The following BTAF1 variants were observed in gnomAD, a reference collection of about 807,000 sequenced individuals.
The protein encoded by BTAF1 is B-TFIID TATA-box binding protein associated factor 1.
BTAF1 carries 38 observed loss-of-function variants against 227.1 expected under a neutral mutation model. The ratio of observed to expected loss-of-function variants is 0.17; its 90% confidence interval spans 0.13 to 0.22. The LOEUF (loss-of-function observed/expected upper bound fraction) is 0.22. Among genes scored for constraint, BTAF1 ranks in the 10% least tolerant of loss-of-function variants. The pLI is 1.00. For missense variants in BTAF1, 1,598 were observed against 2,204.0 expected, an observed-to-expected ratio of 0.73 and a Z score of 5.51; for synonymous variants, 742 against 751.9, an observed-to-expected ratio of 0.99 and a Z score of 0.21.
chr10:91,930,724 A>G (rs573600269), intron 1 of BTAF1, among the ~76,000 whole-genome samples: 1 of 152,326 alleles, frequency 6.6e-6, no homozygotes, highest in African/African-American at 2.4e-5. Flanking sequence ...ACACTATACT[A>G]AGTAATGGTC....
At chr10:91,976,943 A>G (rs1242462126) in intron 14 of BTAF1, among the ~76,000 whole-genome samples, 4 of 152,208 alleles carry the variant, frequency 2.6e-5, no homozygotes, top group Non-Finnish European at 4.4e-5. Flanking sequence ...GGTAGAAGAC[A>G]CTATTGGATC....
intron 23 of BTAF1, among the ~76,000 whole-genome samples, chr10:91,996,067 T>C (rs1350909296): frequency 1.3e-5 from 2 of 152,218 alleles, no homozygotes; most frequent in African/African-American, 4.8e-5. Flanking sequence ...CAAGTACTTT[T>C]TGGTTTGTTT....
Position 91,989,516 on chromosome 10 carries a change from C to T in BTAF1, c.2790C>T (p.Asp930=), listed in dbSNP as rs973562538. 6 of 1,613,518 alleles carry T rather than the reference C, an allele frequency of 3.7e-6. No individual in the cohort carries two copies. In the African/African-American group the frequency reaches 6.7e-5, roughly 18 times the overall value. ...ACCTCTGTAGCTCACTTTGTGTGGA[C>T]CCATATCTAACTCCTTGTGTCACAT... ...IKNLCSSLCV[D]PYLTPCVTCP... Residue 930 remains aspartate (D), a synonymous_variant, in exon 20 of 38, where the codon GAC becomes GAT. Coordinates refer to ENST00000265990, the MANE Select transcript of BTAF1 (RefSeq NM_003972.3).
intron 14 of BTAF1, among the ~76,000 whole-genome samples, chr10:91,978,973 T>C (rs1173812457): frequency 6.6e-6 from 1 of 152,066 alleles, no homozygotes; most frequent in African/African-American, 2.4e-5. Flanking sequence ...TTCTGATCCT[T>C]TCCCTCCTTC....
chr10:91,925,797 A>C (rs1456638398), intron 1 of BTAF1, among the ~76,000 whole-genome samples: 1 of 152,234 alleles, frequency 6.6e-6, no homozygotes, highest in Non-Finnish European at 1.5e-5. Flanking sequence ...GGCGTGAGCC[A>C]CCGCGCCCAG....
intron 26 of BTAF1, 31 bp downstream of exon 26, chr10:92,008,306 T>C: frequency 1.3e-6 from 2 of 1,521,968 alleles, no homozygotes; most frequent in Non-Finnish European, 1.8e-6. Flanking sequence ...AGTTTTCCTT[T>C]CAAATGAACC....
intron 25 of BTAF1, among the ~76,000 whole-genome samples, chr10:92,001,980 ATATAT>A: frequency 9.2e-6 from 1 of 109,022 alleles, no homozygotes; most frequent in Non-Finnish European, 2.1e-5. Context: ...ATATATATAT[ATATAT>A]ACACACACAC....
At position 91,954,554 on chromosome 10, in the gene BTAF1, T is replaced by G. The variant is rs562450579; in HGVS notation, c.701+681T>G. Among the ~76,000 whole-genome samples, 59 of 147,728 alleles carry G rather than the reference T, an allele frequency of 4.0e-4. No homozygotes were observed. In the South Asian group the frequency reaches 4.9e-3, roughly 12 times the overall value. On this transcript the variant is annotated intron_variant, in intron 6 of 37. Transcript: ENST00000265990. Reference sequence around the variant, plus strand: ...AGGACCTTGTAAAAAAAAAATGCTGTTTTTTTTTTGTTTGTTTTTGTTTTT... The same window carrying G: ...AGGACCTTGTAAAAAAAAAATGCTGGTTTTTTTTTGTTTGTTTTTGTTTTT...
chr10:91,966,410 C>T (rs1564679929), intron 13 of BTAF1, among the ~76,000 whole-genome samples: 2 of 152,172 alleles, frequency 1.3e-5, no homozygotes, highest in Non-Finnish European at 2.9e-5. Context: ...TATTTCTACC[C>T]TTCTTTTTGA....
At chr10:92,009,312 T>C in intron 28 of BTAF1, 104 bp downstream of exon 28, 2 of 1,233,366 alleles carry the variant, frequency 1.6e-6, no homozygotes, top group South Asian at 3.0e-5. Flanking sequence ...CTTTTGGTTG[T>C]ATGACATAGA....
chr10:92,008,590 C>A (rs1032684356), intron 26 of BTAF1, among the ~76,000 whole-genome samples: 1 of 150,218 alleles, frequency 6.7e-6, no homozygotes, highest in Non-Finnish European at 1.5e-5. Context: ...TTCAAGTGAT[C>A]CTCCCACCTT....
intron 3 of BTAF1, 108 bp from the exon 4 acceptor site, chr10:91,942,314 G>GTGTGTC: frequency 1.2e-6 from 1 of 822,920 alleles, no homozygotes; most frequent in Non-Finnish European, 1.9e-6. Flanking sequence ...GTGTGTGTGT[G>GTGTGTC]TGTGTGTGTG....
rs557000202 is a variant in BTAF1 at position 91,967,768 on chromosome 10, T to C, written c.1650+1011T>C. Among the ~76,000 whole-genome samples the C allele has an allele frequency of 2.6e-5, 4 of 152,362 alleles. No individual in the cohort carries two copies. In the East Asian group the frequency reaches 5.8e-4, roughly 22 times the overall value. On this transcript the variant is annotated intron_variant, in intron 14 of 37. Transcript: ENST00000265990. ...CTTAATTTTCATTTCATTTTTGCTT[T>C]ATTTTTATGCTTTTTGCCTAAATGT...
At chr10:91,954,649 C>G (rs1445937692) in intron 6 of BTAF1, among the ~76,000 whole-genome samples, 1 of 152,052 alleles carries the variant, frequency 6.6e-6, no homozygotes. Context: ...CCTCAAACTC[C>G]CAGGCTCAAG....
At chr10:92,012,790 A>AG (rs1850464999) in intron 30 of BTAF1, among the ~76,000 whole-genome samples, 1 of 142,496 alleles carries the variant, frequency 7.0e-6, no homozygotes, top group East Asian at 2.1e-4. Context: ...AAAAAAAAAA[A>AG]GCTTAAAAAT....
intron 13 of BTAF1, 124 bp from the exon 14 acceptor site, chr10:91,966,513 G>T: frequency 2.1e-6 from 2 of 940,508 alleles, no homozygotes; most frequent in South Asian, 1.8e-5. Flanking sequence ...TATCTTTTAA[G>T]AATTTATTCA....
At position 91,963,239 on chromosome 10, in the gene BTAF1, C is replaced by T. The variant is rs190891125; in HGVS notation, c.1404+561C>T. ...TCAGCCTCCTAAGTAGCTGGGACTA[C>T]AGACACATGCCACTGTGCCTTGGCT... On this transcript the variant is annotated intron_variant, in intron 12 of 37. Coordinates refer to ENST00000265990, the MANE Select transcript of BTAF1 (RefSeq NM_003972.3). Among the ~76,000 whole-genome samples the T allele has an allele frequency of 4.6e-5, 7 of 151,960 alleles. No homozygotes were observed. In the East Asian group the frequency reaches 1.4e-3, roughly 30 times the overall value.
intron 19 of BTAF1, among the ~76,000 whole-genome samples, chr10:91,986,782 G>A (rs1468513363): frequency 6.6e-6 from 1 of 151,740 alleles, no homozygotes; most frequent in Non-Finnish European, 1.5e-5. Context: ...TTACTCTTCA[G>A]TTGTTTTGAC....
chr10:91,999,543 C>T (rs1048482228), intron 25 of BTAF1, among the ~76,000 whole-genome samples: 64 of 152,252 alleles, frequency 4.2e-4, no homozygotes, highest in Middle Eastern at 3.4e-3. Context: ...TACAGGCATG[C>T]GCCACTGCGC....
Sources: gnomAD v4.1 joint callset for allele counts (sites outside exome capture counted in the v4.1 genomes callset) on GRCh38, gnomAD v4.1.1 for gene constraint, MANE v1.5 for transcripts, NCBI Gene and HGNC (gene_info 2026-07-23, HGNC 2026-07-21) for gene names.